The following PDE7A variants were observed in gnomAD, a reference collection of about 807,000 sequenced individuals.
PDE7A encodes high affinity 3',5'-cyclic-AMP phosphodiesterase 7A.
A neutral mutation model predicts 64.3 loss-of-function variants in PDE7A; 39 were observed. The observed-to-expected ratio is 0.61, with a 90% confidence interval of 0.47 to 0.79. The LOEUF (loss-of-function observed/expected upper bound fraction) is 0.79, where lower values mean the gene tolerates loss of function less well. PDE7A is among the 30% of genes least tolerant of loss of function. The pLI is 0.00. For missense variants in PDE7A, 470 were observed against 582.8 expected (o/e 0.81, Z 1.99); for synonymous variants, 203 against 206.8 (o/e 0.98, Z 0.16).
At chr8:65,825,130 C>A (rs1365970529) in intron 1 of PDE7A, among the ~76,000 whole-genome samples, 3 of 151,918 alleles carry the variant, frequency 2.0e-5, no homozygotes. Flanking sequence ...ATAAAAAATA[C>A]TTGATTAAAA....
rs550664353 is a variant in PDE7A at position 65,766,059 on chromosome 8, C to T, written c.283+13661G>A. 2.6e-5 allele frequency among the ~76,000 whole-genome samples: 4 copies of T among 152,274 alleles called. No homozygotes were observed. The East Asian group carries it at 7.7e-4, about 29-fold the overall frequency. The stretch of plus-strand genomic sequence containing the variant: ...CTCTTGGGTTCATGCCATTCTCCTG[C>T]CTCAGCCTCCCGAGCAGCTGGGATT... On this transcript the variant is annotated intron_variant, in intron 3 of 12. Transcript: ENST00000401827.
In PDE7A at chr8:65,785,942, A is replaced by G. The variant is rs550135685; in HGVS notation, c.139-3099T>C. On this transcript the variant is annotated intron_variant, in intron 1 of 12. Transcript: ENST00000401827. ...GGATTGTGAAAGACTGACCAATATT[A>G]GCTCTCTGTTAAATATCACAAAATA... Among the ~76,000 whole-genome samples the G allele has an allele frequency of 2.6e-5, 4 of 152,298 alleles. No homozygotes were observed. The East Asian group carries it at 7.7e-4, about 29-fold the overall frequency.
chr8:65,746,931 TA>T (rs1194008693), intron 4 of PDE7A, among the ~76,000 whole-genome samples: 1 of 152,192 alleles, frequency 6.6e-6, no homozygotes, highest in African/African-American at 2.4e-5. Context: ...GGTCTGTAAA[TA>T]TTAAGTCAAA....
chr8:65,840,197 T>C (rs1563527449), intron 1 of PDE7A, among the ~76,000 whole-genome samples: 1 of 152,234 alleles, frequency 6.6e-6, no homozygotes, highest in Non-Finnish European at 1.5e-5. Context: ...ATAGTAATTT[T>C]CACAAGTCTG....
chr8:65,735,855 C>T (rs917511168), intron 6 of PDE7A, among the ~76,000 whole-genome samples: 1 of 151,796 alleles, frequency 6.6e-6, no homozygotes, highest in South Asian at 2.1e-4. Context: ...TAACTCCTGA[C>T]CTCAGGTGAT....
At chr8:65,768,458 A>C (rs1008211818) in intron 3 of PDE7A, among the ~76,000 whole-genome samples, 1 of 151,706 alleles carries the variant, frequency 6.6e-6, no homozygotes, top group African/African-American at 2.4e-5. Context: ...TCCCTGCACA[A>C]CCTCTCTTGC....
Position 65,719,440 on chromosome 8 carries a change from A to G in PDE7A, c.1299T>C (p.Asn433=). 6.2e-7 allele frequency: 1 copy of G among 1,614,154 alleles called. No homozygotes were observed. Reference sequence around the variant, plus strand: ...CAAGCATTGTCTGGGATAGCCTTGTATTGGAAAACCTGGCCCATTCTGTAA... The same window carrying G: ...CAAGCATTGTCTGGGATAGCCTTGTGTTGGAAAACCTGGCCCATTCTGTAA... The part of the protein sequence containing the change: ...PLFTEWARFS[N]TRLSQTMLGH... Residue 433 remains asparagine (N), a synonymous_variant, in exon 13 of 13, where the codon AAT becomes AAC. Transcript: ENST00000401827.
intron 1 of PDE7A, among the ~76,000 whole-genome samples, chr8:65,825,629 G>A (rs1035620503): frequency 6.6e-6 from 1 of 152,200 alleles, no homozygotes; most frequent in African/African-American, 2.4e-5. Flanking sequence ...TAAAGATGAA[G>A]GTGGAATCTT....
intron 4 of PDE7A, 96 bp downstream of exon 4, chr8:65,747,556 G>A (rs1459210759): frequency 4.4e-6 from 3 of 688,084 alleles, no homozygotes; most frequent in Non-Finnish European, 6.6e-6. Flanking sequence ...TTCATAGACA[G>A]AGAAAAAGAC....
At chr8:65,746,144 G>A (rs1382995061) in intron 4 of PDE7A, among the ~76,000 whole-genome samples, 1 of 151,294 alleles carries the variant, frequency 6.6e-6, no homozygotes, top group Admixed American at 6.6e-5. Flanking sequence ...TGCTGCCCAG[G>A]GCTGGTTTCA....
At chr8:65,771,584 GC>G (rs762160082) in intron 3 of PDE7A, among the ~76,000 whole-genome samples, 5 of 152,030 alleles carry the variant, frequency 3.3e-5, no homozygotes, top group Non-Finnish European at 7.4e-5. Context: ...TCCTGGCTGG[GC>G]GCACGCAGTG....
At chr8:65,719,703 A>G in intron 12 of PDE7A, 1 of 562,004 alleles carries the variant, frequency 1.8e-6, no homozygotes, top group African/African-American at 1.9e-5. Context: ...CTCAATGGAA[A>G]TTTGAGTAAA....
intron 1 of PDE7A, among the ~76,000 whole-genome samples, chr8:65,827,753 T>A (rs1001034033): frequency 6.6e-6 from 1 of 152,224 alleles, no homozygotes; most frequent in Non-Finnish European, 1.5e-5. Flanking sequence ...GTTTGCAGCC[T>A]AGAAGCAATA....
chr8:65,735,705 A>G (rs1265294264), intron 6 of PDE7A, among the ~76,000 whole-genome samples: 3 of 152,074 alleles, frequency 2.0e-5, no homozygotes, highest in Admixed American at 6.5e-5. Flanking sequence ...CTAACTGTGC[A>G]ACGCCCACCT....
At chr8:65,817,429 G>A (rs920901746) in intron 1 of PDE7A, among the ~76,000 whole-genome samples, 3 of 145,178 alleles carry the variant, frequency 2.1e-5, no homozygotes, top group East Asian at 1.9e-4. Flanking sequence ...ATTTCCATTG[G>A]TGCAACAAAA....
intron 3 of PDE7A, among the ~76,000 whole-genome samples, chr8:65,772,339 A>C (rs948234996): frequency 2.0e-5 from 3 of 152,224 alleles, no homozygotes; most frequent in African/African-American, 7.2e-5. Flanking sequence ...TCTTATTTTT[A>C]ATTCTATACA....
intron 1 of PDE7A, among the ~76,000 whole-genome samples, chr8:65,794,442 T>C (rs1189344952): frequency 1.3e-5 from 2 of 151,844 alleles, no homozygotes; most frequent in African/African-American, 4.8e-5. Context: ...AAAAAAAAAC[T>C]TCACCTATAA....
chr8:65,779,293 T>C (rs1809342347), intron 3 of PDE7A, among the ~76,000 whole-genome samples: 3 of 152,210 alleles, frequency 2.0e-5, no homozygotes, highest in South Asian at 2.1e-4. Context: ...GTTTTTGAAA[T>C]AGGCATTCTA....
At chr8:65,819,771 T>C (rs1319550212) in intron 1 of PDE7A, among the ~76,000 whole-genome samples, 3 of 152,246 alleles carry the variant, frequency 2.0e-5, no homozygotes, top group East Asian at 3.8e-4. Flanking sequence ...TCTATTCTCA[T>C]GTTCTTCCTG....
Sources: allele counts gnomAD v4.1 joint callset (sites outside exome capture counted in the v4.1 genomes callset), GRCh38; gene constraint gnomAD v4.1.1; transcripts MANE v1.5; gene names NCBI Gene and HGNC (gene_info 2026-07-23, HGNC 2026-07-21).